The following MCFD2 variants were observed in gnomAD, a reference collection of about 807,000 sequenced individuals.
MCFD2 encodes multiple coagulation factor deficiency protein 2.
In MCFD2, 11 loss-of-function variants were observed where a neutral mutation model predicts 12.8. The observed-to-expected ratio is 0.86, with a 90% CI of 0.54 to 1.42. MCFD2 has a LOEUF of 1.42. Ranked by LOEUF, MCFD2 falls within the 40% of genes most tolerant of loss-of-function variation. MCFD2 has a pLI of 0.00. For synonymous variants in MCFD2, 70 were observed against 68.1 expected, an observed-to-expected ratio of 1.03 and a Z score of -0.14; for missense variants, 191 against 178.6, an observed-to-expected ratio of 1.07 and a Z score of -0.40.
chr2:46,935,061 A>T (rs1669907458), intron 1 of MCFD2, among the ~76,000 whole-genome samples: 1 of 151,990 alleles, frequency 6.6e-6, no homozygotes, highest in Non-Finnish European at 1.5e-5. Flanking sequence ...GGCCTCCCAA[A>T]GTGTGGGGAT....
chr2:46,908,145 A>G lies in MCFD2; in HGVS notation c.150-176T>C. Reference sequence around the variant, plus strand: ...AGATAGACAAGGCCTTGAGAGGAGCAGGAAAAGTCAAATAGACCATCTGTT... The same window carrying G: ...AGATAGACAAGGCCTTGAGAGGAGCGGGAAAAGTCAAATAGACCATCTGTT... On this transcript the variant is annotated intron_variant, in intron 2 of 3. Transcript: ENST00000319466. The surrounding 1 kb of genome is among the most constrained non-coding windows in gnomAD (Gnocchi z 4.5). 1 of 694,970 alleles carries G rather than the reference A, an allele frequency of 1.4e-6. No individual in the cohort carries two copies. Among genetic ancestry groups the G allele is most frequent in the Non-Finnish European group, 2.5e-6 (1 of 393,468 alleles). 43.1% of individuals were successfully genotyped at this position (694,970 alleles called of 1,614,324 possible). A position where few individuals can be genotyped will look rare whatever the true frequency, so the allele number is the denominator to read the frequency against.
chr2:46,934,787 CTTTTTTT>C (rs1161003607), intron 1 of MCFD2, among the ~76,000 whole-genome samples: 5 of 66,886 alleles, frequency 7.5e-5, no homozygotes, highest in African/African-American at 1.9e-4. Flanking sequence ...GACTACTGCT[CTTTTTTT>C]TTTTTTTTTT....
In MCFD2 at chr2:46,922,621, G is replaced by A. The variant is rs142787482; in HGVS notation, c.-7-14652C>T. On this transcript the variant is annotated intron_variant, in intron 1 of 2. Transcript: ENST00000409147. ...TGCATCTCTGCAAATTTTGTTTCTG[G>A]TTCATATGTACTTCAATCCCTGAAG... Among the ~76,000 whole-genome samples the A allele has an allele frequency of 2.0e-3, 303 of 152,060 alleles. 2 individuals are homozygous for A. Among genetic ancestry groups the A allele is most frequent in the South Asian group, 8.7e-3 (42 of 4,816 alleles).
chr2:46,920,999 C>T (rs1333499490), intron 1 of MCFD2, among the ~76,000 whole-genome samples: 2 of 151,232 alleles, frequency 1.3e-5, no homozygotes, highest in Non-Finnish European at 2.9e-5. Context: ...TTTCAGCAAA[C>T]TGAGAATAGA....
At chr2:46,916,770 G>A (rs1243983496), upstream of MCFD2, among the ~76,000 whole-genome samples, 1 of 152,176 alleles carries the variant, frequency 6.6e-6, no homozygotes, top group African/African-American at 2.4e-5. Context: ...GAGTAGCTGG[G>A]ATTACAGGCG....
At chr2:46,929,290 G>C (rs1669569046) in intron 1 of MCFD2, among the ~76,000 whole-genome samples, 1 of 152,148 alleles carries the variant, frequency 6.6e-6, no homozygotes, top group African/African-American at 2.4e-5. Flanking sequence ...TCTGAGACCA[G>C]CCTGGTCAAC....
chr2:46,917,178 T>G (rs1326397029), upstream of MCFD2: 1 of 701,802 alleles, frequency 1.4e-6, no homozygotes, highest in South Asian at 1.5e-5. Context: ...TTTTCTTTTT[T>G]TAAAGAAAAG....
In MCFD2 at chr2:46,937,523, C is replaced by T. The variant is rs1670041236; in HGVS notation, c.-8+4049G>A. Among the ~76,000 whole-genome samples the T allele has an allele frequency of 6.6e-6, 1 of 152,186 alleles. No individual in the cohort carries two copies. The highest frequency in any genetic ancestry group is 2.1e-4 in the South Asian group (1 of 4,832). On this transcript the variant is annotated intron_variant, in intron 1 of 2. Coordinates refer to the MCFD2 transcript ENST00000409147. The surrounding 1 kb of genome is among the most constrained non-coding windows in gnomAD (Gnocchi z 4.0). ...TCATCCAGAGCAGCCAGATTTATAG[C>T]AATTCATTTATATGCCAGTAGGGGC...
intron 1 of MCFD2, among the ~76,000 whole-genome samples, chr2:46,914,690 G>A (rs958813730): frequency 1.4e-4 from 22 of 152,254 alleles, no homozygotes; most frequent in South Asian, 6.2e-4. Flanking sequence ...AAGAGAGACC[G>A]GCAGGCAGAC....
At chr2:46,929,852 C>G (rs60630351) in intron 1 of MCFD2, among the ~76,000 whole-genome samples, 11,978 of 152,234 alleles carry the variant, frequency 0.079, 836 homozygotes, top group African/African-American at 0.19. Flanking sequence ...TGTTATGTGT[C>G]ACACCTAGAC....
rs957970641 is a variant in MCFD2, at chr2:46,940,815, C to G, written c.-8+757G>C. 6.6e-6 allele frequency among the ~76,000 whole-genome samples: 1 copy of G among 152,140 alleles called. No individual in the cohort carries two copies. Among genetic ancestry groups the G allele is most frequent in the Non-Finnish European group, 1.5e-5 (1 of 68,006 alleles). ...GGCGGGGCGGACAGCGGCAGGCCAG[C>G]TCCCGGGAGGCTCGCCGTCGGGGTT... On this transcript the variant is annotated intron_variant, in intron 1 of 2. Coordinates refer to the MCFD2 transcript ENST00000409147. The surrounding 1 kb of genome is among the most constrained non-coding windows in gnomAD (Gnocchi z 4.7).
At chr2:46,906,126 G>A (rs1039130887) in intron 3 of MCFD2, 1 of 403,610 alleles carries the variant, frequency 2.5e-6, no homozygotes, top group South Asian at 1.9e-5. Context: ...AGTGGGCTGA[G>A]GCTGTTCACA....
Position 46,941,838 on chromosome 2 carries a change from C to A in MCFD2, c.-274G>T, listed in dbSNP as rs560777699. ...CGACAGCGGGCGCCTGCCAGCCCAC[C>A]GTGCTAGTCTTAAGAGCAGCCAGGG... On this transcript the variant is annotated 5_prime_UTR_variant, in exon 1 of 3. Coordinates refer to the MCFD2 transcript ENST00000409147. The surrounding 1 kb of genome is among the most constrained non-coding windows in gnomAD (Gnocchi z 4.2). The A allele has an allele frequency of 7.3e-6, 10 of 1,372,776 alleles. No individual in the cohort carries two copies. The African/African-American group carries it at 1.0e-4, about 14-fold the overall frequency. The allele number at this position is 1,372,776 out of a possible 1,614,324, so 85.0% of individuals were successfully genotyped here.
chr2:46,916,044 G>A, upstream of MCFD2: 11 of 985,438 alleles, frequency 1.1e-5, no homozygotes, highest in Non-Finnish European at 1.2e-5. Flanking sequence ...CTAGGGGCCC[G>A]GCAGTTGCTA....
Position 46,939,298 on chromosome 2 carries a change from T to C in MCFD2, c.-8+2274A>G, listed in dbSNP as rs375673211. Among the ~76,000 whole-genome samples, 63 of 152,266 alleles carry C rather than the reference T, an allele frequency of 4.1e-4. No individual in the cohort carries two copies. The East Asian group carries it at 0.012, about 29-fold the overall frequency. ...GGCCAGGCGCAGTGGCTCAAGCCTG[T>C]AATCCTAGCACTTTGGGAGGCCAAG... On this transcript the variant is annotated intron_variant, in intron 1 of 2. Transcript: ENST00000409147.
Position 46,908,555 on chromosome 2 carries a change from C to T in MCFD2, c.149+468G>A. The T allele has an allele frequency of 7.3e-6, 2 of 274,538 alleles. No individual in the cohort carries two copies. The highest frequency in any genetic ancestry group is 7.6e-5 in the South Asian group (2 of 26,410). 17.0% of individuals were successfully genotyped at this position (274,538 alleles called of 1,614,324 possible). On this transcript the variant is annotated intron_variant, in intron 2 of 3. Coordinates refer to ENST00000319466, the MANE Select transcript of MCFD2 (RefSeq NM_139279.6). This position sits in a 1 kb window ranked among gnomAD's most constrained non-coding sequence, Gnocchi z 4.5. ...CTGGGATTACAGGTGTGAGCCACTGCACCCAGCCTTAAAAACAAAGGATAA... is the reference window on the plus strand; with the variant it reads ...CTGGGATTACAGGTGTGAGCCACTGTACCCAGCCTTAAAAACAAAGGATAA...
At position 46,908,049 on chromosome 2, in the gene MCFD2, A is replaced by G; in HGVS notation, c.150-80T>C. The G allele has an allele frequency of 6.5e-7, 1 of 1,529,398 alleles. No individual in the cohort carries two copies. The highest frequency in any genetic ancestry group is 9.0e-7 in the Non-Finnish European group (1 of 1,114,458). 94.7% of individuals were successfully genotyped at this position (1,529,398 alleles called of 1,614,324 possible). On this transcript the variant is annotated intron_variant, in intron 2 of 3. Coordinates refer to ENST00000319466, the MANE Select transcript of MCFD2 (RefSeq NM_139279.6). The surrounding 1 kb of genome is among the most constrained non-coding windows in gnomAD (Gnocchi z 4.5). ...AATCTTAAGGACTCTGAAAAGTTCA[A>G]GATCTTAAACTTCCTCCAGCTCAGA... is the stretch of plus-strand genomic sequence containing the variant.
chr2:46,930,993 T>G (rs1366243070), intron 1 of MCFD2, among the ~76,000 whole-genome samples: 1 of 150,542 alleles, frequency 6.6e-6, no homozygotes, highest in Non-Finnish European at 1.5e-5. Flanking sequence ...GATGAGAAAA[T>G]TTAGCCGTAT....
At chr2:46,932,900 CAAA>C (rs34183870) in intron 1 of MCFD2, among the ~76,000 whole-genome samples, 2 of 69,404 alleles carry the variant, frequency 2.9e-5, no homozygotes, top group African/African-American at 5.2e-5. Flanking sequence ...GACTCCATCT[CAAA>C]AAAAAAAAAA....
Sources: gnomAD v4.1 joint callset for allele counts (sites outside exome capture counted in the v4.1 genomes callset) on GRCh38, gnomAD v4.1.1 for gene constraint, Gnocchi (gnomAD v3.1) non-coding constraint, MANE v1.5 for transcripts, NCBI Gene and HGNC (gene_info 2026-07-23, HGNC 2026-07-21) for gene names.